The following KCNB2 variants were observed in gnomAD, a reference collection of about 807,000 sequenced individuals.
The protein encoded by KCNB2 is delayed rectifier potassium channel protein.
Under a neutral mutation model 61.5 loss-of-function variants are expected in KCNB2, and 15 were observed. The observed-to-expected ratio is 0.24, with a 90% CI of 0.16 to 0.38. KCNB2 has a LOEUF of 0.38. Among genes scored for constraint, KCNB2 ranks in the 10% least tolerant of loss-of-function variants. The pLI is 1.00. For synonymous variants in KCNB2, 457 were observed against 446.0 expected (o/e 1.02, Z -0.31); for missense variants, 828 against 1,125.2 (o/e 0.74, Z 3.78).
At chr8:72,715,943 G>C (rs1041249812) in intron 2 of KCNB2, among the ~76,000 whole-genome samples, 1 of 151,736 alleles carries the variant, frequency 6.6e-6, no homozygotes, top group African/African-American at 2.4e-5. Flanking sequence ...AAAGAGAGAA[G>C]AATCAAATAG....
At position 72,897,301 on chromosome 8, in the gene KCNB2, C is replaced by T. The variant is rs916624478; in HGVS notation, c.580-38634C>T. ...AAAAAATTATCTAATTTACCTGTTT[C>T]GTATGCACAATAAAACTGAGTAATT... On this transcript the variant is annotated intron_variant, in intron 2 of 2. Transcript: ENST00000523207. 1.7e-4 allele frequency among the ~76,000 whole-genome samples: 26 copies of T among 152,042 alleles called. 1 individual carries two copies. The highest frequency in any genetic ancestry group is 3.1e-4 in the Non-Finnish European group (21 of 67,986).
At chr8:72,823,679 T>G (rs934729938) in intron 2 of KCNB2, among the ~76,000 whole-genome samples, 1 of 152,250 alleles carries the variant, frequency 6.6e-6, no homozygotes, top group Admixed American at 6.5e-5. Context: ...GCATTTACTT[T>G]CATTGTCTCA....
At chr8:72,845,216 T>C (rs1809966873) in intron 2 of KCNB2, among the ~76,000 whole-genome samples, 2 of 152,184 alleles carry the variant, frequency 1.3e-5, no homozygotes, top group Admixed American at 1.3e-4. Context: ...TCTGCTGTAG[T>C]TTACAGGAGG....
chr8:72,651,891 T>G (rs952116793), intron 2 of KCNB2, among the ~76,000 whole-genome samples: 1 of 152,112 alleles, frequency 6.6e-6, no homozygotes, highest in Non-Finnish European at 1.5e-5. Flanking sequence ...GATGAACCCT[T>G]GAGTCCATCC....
intron 2 of KCNB2, among the ~76,000 whole-genome samples, chr8:72,929,737 C>T (rs1806736634): frequency 6.6e-6 from 1 of 152,140 alleles, no homozygotes; most frequent in Non-Finnish European, 1.5e-5. Flanking sequence ...ACCAACATCA[C>T]GCAGTTAATT....
intron 2 of KCNB2, among the ~76,000 whole-genome samples, chr8:72,779,173 G>A (rs974649074): frequency 6.6e-6 from 1 of 152,190 alleles, no homozygotes; most frequent in Admixed American, 6.5e-5. Context: ...TGGCATGAGA[G>A]ACTCGAGAAG....
intron 1 of KCNB2, among the ~76,000 whole-genome samples, chr8:72,566,937 C>T (rs1432117219): frequency 4.0e-5 from 6 of 151,852 alleles, no homozygotes; most frequent in Non-Finnish European, 7.4e-5. Flanking sequence ...TGGGGAAGGC[C>T]GTAAATCTGA....
At chr8:72,737,905 T>TA (rs1807876774) in intron 2 of KCNB2, among the ~76,000 whole-genome samples, 1 of 152,094 alleles carries the variant, frequency 6.6e-6, no homozygotes. Context: ...CAGGTACCAC[T>TA]AAAAAAATAT....
At chr8:72,595,543 C>T (rs1807175573) in intron 2 of KCNB2, among the ~76,000 whole-genome samples, 1 of 151,978 alleles carries the variant, frequency 6.6e-6, no homozygotes, top group South Asian at 2.1e-4. Context: ...CCAGGCTGGT[C>T]TCGAACTCCT....
intron 2 of KCNB2, among the ~76,000 whole-genome samples, chr8:72,911,929 C>A (rs965043279): frequency 2.6e-5 from 4 of 152,176 alleles, no homozygotes; most frequent in African/African-American, 9.7e-5. Context: ...TGGACCTTAA[C>A]CATTGTCTTT....
At chr8:72,580,989 C>A (rs1273076804) in intron 2 of KCNB2, among the ~76,000 whole-genome samples, 2 of 152,178 alleles carry the variant, frequency 1.3e-5, no homozygotes, top group Admixed American at 1.3e-4. Flanking sequence ...TGATCCCTCA[C>A]AACCCTCCTA....
intron 2 of KCNB2, among the ~76,000 whole-genome samples, chr8:72,843,523 G>A (rs10088055): frequency 0.85 from 129,406 of 151,792 alleles, 56,121 homozygotes; most frequent in Middle Eastern, 0.97. Flanking sequence ...TCTGTCTAAT[G>A]TTGACAGTAG....
chr8:72,561,774 T>TACATATATATATATATAC (rs1392533926), intron 1 of KCNB2, among the ~76,000 whole-genome samples: 1 of 23,682 alleles, frequency 4.2e-5, no homozygotes, highest in African/African-American at 1.9e-4. Context: ...TATATATATA[T>TACATATATATATATATAC]ATGGATATAT....
intron 2 of KCNB2, among the ~76,000 whole-genome samples, chr8:72,906,330 A>G (rs548452216): frequency 2.0e-4 from 31 of 152,342 alleles, no homozygotes; most frequent in Non-Finnish European, 3.2e-4. Context: ...TCAGTCCCCT[A>G]TAGATCTTAT....
chr8:72,851,316 A>G (rs1339013503), intron 2 of KCNB2, among the ~76,000 whole-genome samples: 5 of 152,254 alleles, frequency 3.3e-5, no homozygotes, highest in African/African-American at 1.2e-4. Context: ...AGGAGAGACG[A>G]GTTGTAGCAT....
chr8:72,749,119 T>TTTTA (rs568682311), intron 2 of KCNB2, among the ~76,000 whole-genome samples: 5 of 152,062 alleles, frequency 3.3e-5, no homozygotes, highest in African/African-American at 4.8e-5. Flanking sequence ...TTCGTTTTCA[T>TTTTA]TTTATTTATT....
intron 2 of KCNB2, among the ~76,000 whole-genome samples, chr8:72,679,446 A>G (rs1198718778): frequency 6.6e-6 from 1 of 152,246 alleles, no homozygotes. Context: ...ACATTACATC[A>G]GTATTTCTCA....
At chr8:72,748,493 G>A (rs970621365) in intron 2 of KCNB2, among the ~76,000 whole-genome samples, 2 of 151,958 alleles carry the variant, frequency 1.3e-5, no homozygotes, top group African/African-American at 2.4e-5. Flanking sequence ...AGATCTGTAA[G>A]CATTCAGTGC....
intron 2 of KCNB2, among the ~76,000 whole-genome samples, chr8:72,851,848 A>AAAAAAAAAAAAAAAAAC (rs869038932): frequency 1.4e-5 from 2 of 145,626 alleles, no homozygotes; most frequent in Non-Finnish European, 3.0e-5. Flanking sequence ...AAAAAAAAAA[A>AAAAAAAAAAAAAAAAAC]CACGTACTGC....
Sources: allele counts gnomAD v4.1 joint callset (sites outside exome capture counted in the v4.1 genomes callset), GRCh38; gene constraint gnomAD v4.1.1; transcripts MANE v1.5; gene names NCBI Gene and HGNC (gene_info 2026-07-23, HGNC 2026-07-21).